ITPK1: variants seen among roughly 807,000 people sequenced by gnomAD.
ITPK1 encodes inositol 1,3,4-trisphosphate 5/6-kinase.
In ITPK1, 21 loss-of-function variants were observed where a neutral mutation model predicts 45.3. That is an observed-to-expected ratio of 0.46 (90% CI 0.33 to 0.67). ITPK1 has a LOEUF of 0.67. ITPK1 is among the 30% of genes least tolerant of loss of function. ITPK1 has a pLI of 0.02. For synonymous variants in ITPK1, 258 were observed against 253.6 expected, an observed-to-expected ratio of 1.02 and a Z score of -0.16; for missense variants, 474 against 573.5, an observed-to-expected ratio of 0.83 and a Z score of 1.77.
Position 92,996,145 on chromosome 14 carries a change from G to A in ITPK1, c.247-2148C>T, listed in dbSNP as rs144927112. Among the ~76,000 whole-genome samples the A allele has an allele frequency of 5.9e-3, 892 of 152,302 alleles. 5 individuals are homozygous for A. The highest frequency in any genetic ancestry group is 9.1e-3 in the Non-Finnish European group (617 of 68,034). On this transcript the variant is annotated intron_variant, in intron 4 of 10. Coordinates refer to ENST00000267615, the MANE Select transcript of ITPK1 (RefSeq NM_014216.6). ...GCCCCTAGTCCCAGCTCCTTGGGAG[G>A]CTGAGGTGGGAGGATCACTCAGGCC...
chr14:92,981,644 A>G (rs962302748), intron 5 of ITPK1, among the ~76,000 whole-genome samples: 5 of 151,970 alleles, frequency 3.3e-5, no homozygotes, highest in African/African-American at 1.2e-4. Flanking sequence ...TCCTTTGCAT[A>G]CTTATTGAGC....
chr14:93,057,721 GTCTCCT>G (rs1168971659), intron 3 of ITPK1, among the ~76,000 whole-genome samples: 4 of 152,168 alleles, frequency 2.6e-5, no homozygotes, highest in Admixed American at 2.6e-4. Context: ...AGGGACCCCA[GTCTCCT>G]GCGGCCCCAG....
chr14:93,036,181 G>T lies in ITPK1; in HGVS notation c.121-19380C>A, dbSNP rs556813916. On this transcript the variant is annotated intron_variant, in intron 3 of 10. Transcript: ENST00000267615. The surrounding 1 kb of genome is among the most constrained non-coding windows in gnomAD (Gnocchi z 4.1). ...CCCAAGGTCGGTAACTTCAAGAGCT[G>T]CGGGGAGCAGAGGCCACAACCGGAG... Among the ~76,000 whole-genome samples, 1 of 152,246 alleles carries T rather than the reference G, an allele frequency of 6.6e-6. No individual in the cohort carries two copies. The highest frequency in any genetic ancestry group is 2.4e-5 in the African/African-American group (1 of 41,536).
rs1653052641 is a variant in ITPK1 at position 93,034,218 on chromosome 14, A to C, written c.121-17417T>G. Among the ~76,000 whole-genome samples the C allele has an allele frequency of 7.0e-6, 1 of 143,066 alleles. No homozygotes were observed. The highest frequency in any genetic ancestry group is 1.5e-5 in the Non-Finnish European group (1 of 66,136). The allele number at this position is 143,066 out of a possible 152,430, so 93.9% of individuals were successfully genotyped here. ...TGAACTGGGAGGTGGCTTCAGCCAC[A>C]CAGCACCTGCAGCAGCCGGGGGTTC... On this transcript the variant is annotated intron_variant, in intron 3 of 10. Coordinates refer to ENST00000267615, the MANE Select transcript of ITPK1 (RefSeq NM_014216.6). This position sits in a 1 kb window ranked among gnomAD's most constrained non-coding sequence, Gnocchi z 4.1.
chr14:92,998,727 A>T (rs1268116741), intron 4 of ITPK1, among the ~76,000 whole-genome samples: 1 of 152,178 alleles, frequency 6.6e-6, no homozygotes, highest in East Asian at 1.9e-4. Flanking sequence ...TCTACCCTGC[A>T]CCCCTAAGTG....
chr14:93,087,404 C>T (rs1315544471), intron 2 of ITPK1, among the ~76,000 whole-genome samples: 7 of 152,220 alleles, frequency 4.6e-5, no homozygotes, highest in African/African-American at 1.7e-4. Flanking sequence ...ATCCCAGCTA[C>T]TTGGGAGGCT....
intron 5 of ITPK1, among the ~76,000 whole-genome samples, chr14:92,971,887 T>C (rs529173840): frequency 1.2e-4 from 19 of 152,274 alleles, no homozygotes; most frequent in Admixed American, 9.8e-4. Flanking sequence ...CCCACCCTCC[T>C]CGGGGTGCCT....
intron 5 of ITPK1, among the ~76,000 whole-genome samples, chr14:92,981,979 G>A (rs1291040370): frequency 1.3e-5 from 2 of 152,260 alleles, no homozygotes; most frequent in African/African-American, 2.4e-5. Context: ...CAAGAGGGGT[G>A]CCCCTGGGGT....
intron 5 of ITPK1, among the ~76,000 whole-genome samples, chr14:92,972,426 T>A (rs768360635): frequency 6.6e-6 from 1 of 152,070 alleles, no homozygotes; most frequent in Non-Finnish European, 1.5e-5. Context: ...ATGAGGGCCA[T>A]CCGCAGGCCA....
intron 2 of ITPK1, among the ~76,000 whole-genome samples, chr14:93,088,468 T>C (rs575570299): frequency 6.6e-6 from 1 of 151,406 alleles, no homozygotes; most frequent in East Asian, 2.0e-4. Flanking sequence ...AAGCAGGAGC[T>C]ACTTGGCCAC....
chr14:93,095,299 C>A (rs1025797973), intron 2 of ITPK1, among the ~76,000 whole-genome samples: 1 of 152,178 alleles, frequency 6.6e-6, no homozygotes, highest in Non-Finnish European at 1.5e-5. Context: ...GAACTTTATA[C>A]CATTAATAAT....
At chr14:93,083,459 G>C (rs1891523255) in intron 2 of ITPK1, among the ~76,000 whole-genome samples, 1 of 152,202 alleles carries the variant, frequency 6.6e-6, no homozygotes. Context: ...AAGAAGCAAG[G>C]GAGGAAGGTT....
chr14:93,008,850 G>C (rs1312240175), intron 4 of ITPK1, among the ~76,000 whole-genome samples: 1 of 152,210 alleles, frequency 6.6e-6, no homozygotes, highest in Non-Finnish European at 1.5e-5. Flanking sequence ...AAGAAAAGAA[G>C]TGACAAGATG....
chr14:92,959,290 C>A (rs1884925656), intron 7 of ITPK1, among the ~76,000 whole-genome samples: 1 of 152,234 alleles, frequency 6.6e-6, no homozygotes, highest in Admixed American at 6.5e-5. Context: ...GCCCGCAGGG[C>A]CCCAGGAAGG....
intron 2 of ITPK1, among the ~76,000 whole-genome samples, chr14:93,112,077 T>G (rs920091010): frequency 6.6e-6 from 1 of 151,616 alleles, no homozygotes; most frequent in Non-Finnish European, 1.5e-5. Flanking sequence ...GGATTACACT[T>G]GCAGAGGGGC....
intron 5 of ITPK1, among the ~76,000 whole-genome samples, chr14:92,974,792 CA>C (rs143389401): frequency 0.099 from 15,152 of 152,316 alleles, 980 homozygotes; most frequent in Middle Eastern, 0.18. Context: ...CACTGAAAGG[CA>C]GCCTGGAGTG....
At chr14:93,033,155 C>T (rs1010891588) in intron 3 of ITPK1, among the ~76,000 whole-genome samples, 1 of 152,206 alleles carries the variant, frequency 6.6e-6, no homozygotes, top group Non-Finnish European at 1.5e-5. Context: ...GATTAAGTGT[C>T]ATTTGTTATT....
At chr14:92,982,583 C>A (rs1271498764) in intron 5 of ITPK1, among the ~76,000 whole-genome samples, 4 of 152,306 alleles carry the variant, frequency 2.6e-5, no homozygotes, top group Middle Eastern at 6.8e-3. Context: ...CCTGCCCCTG[C>A]GGACACCTTG....
Position 92,940,424 on chromosome 14 carries a change from A to G in ITPK1, c.*1137T>C, listed in dbSNP as rs1165037789. 2 of 1,080,540 alleles carry G rather than the reference A, an allele frequency of 1.9e-6. No individual in the cohort carries two copies. Among genetic ancestry groups the G allele is most frequent in the African/African-American group, 1.7e-5 (1 of 58,922 alleles). The allele number at this position is 1,080,540 out of a possible 1,614,324, so 66.9% of individuals were successfully genotyped here. A position where few individuals can be genotyped will look rare whatever the true frequency, so the allele number is the denominator to read the frequency against. ...GCTTTGCTGCCAAGGTGATGGGGTG[A>G]GTCTGAGGTGTGCAGAAGCGATGGG... On this transcript the variant is annotated 3_prime_UTR_variant, in exon 11 of 11. Coordinates refer to ENST00000267615, the MANE Select transcript of ITPK1 (RefSeq NM_014216.6).
Sources: gnomAD v4.1 joint callset for allele counts (sites outside exome capture counted in the v4.1 genomes callset) on GRCh38, gnomAD v4.1.1 for gene constraint, Gnocchi (gnomAD v3.1) non-coding constraint, MANE v1.5 for transcripts, NCBI Gene and HGNC (gene_info 2026-07-23, HGNC 2026-07-21) for gene names.